Variants in PTPRG observed in about 807,000 individuals in gnomAD.
PTPRG encodes the protein receptor-type tyrosine-protein phosphatase gamma.
PTPRG carries 102 observed loss-of-function variants against 165.3 expected under a neutral mutation model. That is an observed-to-expected ratio of 0.62 (90% CI 0.53 to 0.73). The LOEUF is 0.73. PTPRG is among the 30% of genes least tolerant of loss of function. PTPRG has a pLI of 0.00. For missense variants in PTPRG, 1,866 were observed against 1,861.4 expected (o/e 1.00, Z -0.05); for synonymous variants, 675 against 669.5 (o/e 1.01, Z -0.13).
chr3:62,272,900 G>A (rs1241386431), intron 21 of PTPRG, 46 bp from the exon 22 acceptor site: 16 of 1,499,236 alleles, frequency 1.1e-5, no homozygotes, highest in Non-Finnish European at 1.3e-5. Flanking sequence ...AAAGTTAACA[G>A]TATGATAAAA....
At chr3:61,946,840 C>T (rs1372915754) in intron 2 of PTPRG, among the ~76,000 whole-genome samples, 2 of 152,152 alleles carry the variant, frequency 1.3e-5, no homozygotes, top group African/African-American at 4.8e-5. Flanking sequence ...TGTTAGAGCT[C>T]CTTACGGTAT....
At chr3:61,609,741 C>T (rs184749783) in intron 1 of PTPRG, among the ~76,000 whole-genome samples, 2 of 152,108 alleles carry the variant, frequency 1.3e-5, no homozygotes, top group East Asian at 3.9e-4. Flanking sequence ...CACCTGTAGT[C>T]CTAGCTACTT....
At chr3:61,784,633 A>G (rs658432) in intron 2 of PTPRG, among the ~76,000 whole-genome samples, 133,051 of 152,162 alleles carry the variant, frequency 0.87, 58,365 homozygotes, top group East Asian at 0.95. Context: ...GGTATGCATA[A>G]CGCTGGTAGA....
rs547769021 is a variant in PTPRG, at chr3:62,146,177, G to A, written c.683-10890G>A. Among the ~76,000 whole-genome samples, 466 of 152,326 alleles carry A rather than the reference G, an allele frequency of 3.1e-3. 2 individuals are homozygous for A. The highest frequency in any genetic ancestry group is 0.011 in the African/African-American group (446 of 41,574). ...CATTTCCTTAATTGTTGACAAGACT[G>A]CTATCTTTATGTGCTTTCTCTTTGG... On this transcript the variant is annotated intron_variant, in intron 6 of 29. Coordinates refer to ENST00000474889, the MANE Select transcript of PTPRG (RefSeq NM_002841.4).
At chr3:61,731,835 C>T (rs2032514596) in intron 1 of PTPRG, among the ~76,000 whole-genome samples, 1 of 151,630 alleles carries the variant, frequency 6.6e-6, no homozygotes, top group Non-Finnish European at 1.5e-5. Flanking sequence ...GCAGTCTGGC[C>T]CTGTCACCCA....
chr3:62,269,420 A>G (rs2148870015), intron 20 of PTPRG, among the ~76,000 whole-genome samples: 1 of 152,290 alleles, frequency 6.6e-6, no homozygotes, highest in East Asian at 1.9e-4. Context: ...TTAAAAAATC[A>G]TCCTCTTAGG....
intron 2 of PTPRG, among the ~76,000 whole-genome samples, chr3:61,892,971 C>T (rs2038257972): frequency 6.6e-6 from 1 of 152,166 alleles, no homozygotes; most frequent in Admixed American, 6.5e-5. Flanking sequence ...AGATACAATA[C>T]AGCATAAGAA....
intron 5 of PTPRG, among the ~76,000 whole-genome samples, chr3:62,086,210 T>G (rs571865917): frequency 1.3e-5 from 2 of 152,224 alleles, no homozygotes; most frequent in South Asian, 4.1e-4. Flanking sequence ...TTATTCTTTT[T>G]AACTATCCCA....
chr3:61,937,011 G>C (rs1011240897), intron 2 of PTPRG, among the ~76,000 whole-genome samples: 19 of 152,164 alleles, frequency 1.2e-4, no homozygotes, highest in Admixed American at 1.1e-3. Context: ...ACCAGGCAGA[G>C]GAGGCTTTTT....
rs1700667347 is a variant in PTPRG, at chr3:62,222,183, C to T, written c.2288+3200C>T. The stretch of plus-strand genomic sequence containing the variant: ...TATTGCAGTTGACAAAAATCCATTT[C>T]AAAATGCCTTAAAGCTCAAGGGGAA... On this transcript the variant is annotated intron_variant, in intron 13 of 29. Transcript: ENST00000474889. This position sits in a 1 kb window ranked among gnomAD's most constrained non-coding sequence, Gnocchi z 4.5. Among the ~76,000 whole-genome samples, 1 of 152,160 alleles carries T rather than the reference C, an allele frequency of 6.6e-6. No individual in the cohort carries two copies. Among genetic ancestry groups the T allele is most frequent in the Non-Finnish European group, 1.5e-5 (1 of 68,036 alleles).
At chr3:61,708,359 C>T (rs1268136569) in intron 1 of PTPRG, among the ~76,000 whole-genome samples, 2 of 151,398 alleles carry the variant, frequency 1.3e-5, no homozygotes, top group Middle Eastern at 3.4e-3. Context: ...GGACACTGGG[C>T]ACCTTTCTCA....
intron 2 of PTPRG, chr3:61,753,585 G>GTTTTT (rs10640815): frequency 0.067 from 24,085 of 361,222 alleles, 1,448 homozygotes; most frequent in East Asian, 0.28. Context: ...AAATTTGAGG[G>GTTTTT]TTTTTTTTTT....
At chr3:62,002,368 G>C (rs545134851) in intron 3 of PTPRG, among the ~76,000 whole-genome samples, 1 of 152,068 alleles carries the variant, frequency 6.6e-6, no homozygotes, top group African/African-American at 2.4e-5. Context: ...CAAACCATTC[G>C]GTATATTGTT....
chr3:62,284,357 C>T (rs192855078), intron 28 of PTPRG, among the ~76,000 whole-genome samples: 23 of 152,106 alleles, frequency 1.5e-4, no homozygotes, highest in African/African-American at 5.1e-4. Context: ...TATATCCCCT[C>T]CAGAATTAAT....
chr3:61,807,756 A>AT (rs57802034), intron 2 of PTPRG, among the ~76,000 whole-genome samples: 8,519 of 151,322 alleles, frequency 0.056, 342 homozygotes, highest in East Asian at 0.21. Flanking sequence ...TATTGGGATG[A>AT]TTTTTTTTTG....
At chr3:62,069,371 T>C (rs1216500916) in intron 4 of PTPRG, among the ~76,000 whole-genome samples, 3 of 152,142 alleles carry the variant, frequency 2.0e-5, no homozygotes, top group East Asian at 1.9e-4. Context: ...CTGCCAACTT[T>C]ATGGATATTT....
At chr3:61,796,364 A>T (rs9784290) in intron 2 of PTPRG, among the ~76,000 whole-genome samples, 15,815 of 152,264 alleles carry the variant, frequency 0.1, 1,210 homozygotes, top group African/African-American at 0.21. Flanking sequence ...TTCCTCTTAC[A>T]TGACTCAAAA....
At chr3:61,824,047 C>T (rs2036035291) in intron 2 of PTPRG, among the ~76,000 whole-genome samples, 1 of 152,080 alleles carries the variant, frequency 6.6e-6, no homozygotes. Context: ...TGGCATGAAC[C>T]TGGGACGCGG....
At chr3:61,670,297 G>C (rs1008509279) in intron 1 of PTPRG, among the ~76,000 whole-genome samples, 1 of 152,204 alleles carries the variant, frequency 6.6e-6, no homozygotes, top group Non-Finnish European at 1.5e-5. Context: ...TTTTGAAAAT[G>C]TGTTAATTCT....
Sources: allele counts gnomAD v4.1 joint callset (sites outside exome capture counted in the v4.1 genomes callset), GRCh38; gene constraint gnomAD v4.1.1; non-coding constraint Gnocchi (gnomAD v3.1); transcripts MANE v1.5; gene names NCBI Gene and HGNC (gene_info 2026-07-23, HGNC 2026-07-21).